XKR6: variants seen among roughly 807,000 people sequenced by gnomAD.
The protein encoded by XKR6 is XK related 6.
XKR6 carries 22 observed loss-of-function variants against 56.7 expected under a neutral mutation model. The observed-to-expected ratio is 0.39, with a 90% CI of 0.28 to 0.55. The LOEUF is 0.55. XKR6 is among the 20% of genes least tolerant of loss of function. The pLI is 0.66. For missense variants in XKR6, 852 were observed against 889.0 expected (o/e 0.96, Z 0.53); for synonymous variants, 524 against 387.8 (o/e 1.35, Z -4.13).
At chr8:10,960,399 A>G (rs1204667045) in intron 1 of XKR6, among the ~76,000 whole-genome samples, 1 of 152,256 alleles carries the variant, frequency 6.6e-6, no homozygotes, top group Non-Finnish European at 1.5e-5. Flanking sequence ...TGACTGCCCC[A>G]GTCTCCTGGT....
intron 1 of XKR6, among the ~76,000 whole-genome samples, chr8:11,178,282 C>A (rs1394366520): frequency 6.6e-6 from 1 of 152,016 alleles, no homozygotes; most frequent in African/African-American, 2.4e-5. Flanking sequence ...ACTGTAGCAA[C>A]CTCAAGGATC....
chr8:11,186,422 T>C (rs956055512), intron 1 of XKR6, among the ~76,000 whole-genome samples: 10 of 152,160 alleles, frequency 6.6e-5, no homozygotes, highest in African/African-American at 2.4e-4. Flanking sequence ...TGCTCCGTTA[T>C]CCAGGCTGCA....
At chr8:11,179,145 T>C (rs1340391679) in intron 1 of XKR6, among the ~76,000 whole-genome samples, 1 of 149,876 alleles carries the variant, frequency 6.7e-6, no homozygotes, top group Non-Finnish European at 1.5e-5. Flanking sequence ...GCATGAGTCA[T>C]CACACCCAGC....
At chr8:10,990,785 G>T (rs1343883266) in intron 1 of XKR6, among the ~76,000 whole-genome samples, 1 of 151,572 alleles carries the variant, frequency 6.6e-6, no homozygotes, top group African/African-American at 2.4e-5. Flanking sequence ...ATTTTGTCCT[G>T]CTTCCCAGGC....
intron 1 of XKR6, among the ~76,000 whole-genome samples, chr8:11,022,719 G>C (rs1345478034): frequency 1.3e-5 from 2 of 152,166 alleles, no homozygotes; most frequent in Non-Finnish European, 2.9e-5. Context: ...GCAAGGCCCT[G>C]CAATTAGTAA....
At chr8:10,968,455 C>T (rs1337079645) in intron 1 of XKR6, among the ~76,000 whole-genome samples, 1 of 152,256 alleles carries the variant, frequency 6.6e-6, no homozygotes, top group Non-Finnish European at 1.5e-5. Context: ...CAGGGCTGGC[C>T]TATGGCCCCC....
At position 11,194,409 on chromosome 8, in the gene XKR6, C is replaced by G. The variant is rs1028383949; in HGVS notation, c.764+6167G>C. ...CCAATAGCGGTAAGCAGTGGATTGT[C>G]TTTAGGCAATTAGTCAAAAGTCAAT... On this transcript the variant is annotated intron_variant, in intron 1 of 2. Transcript: ENST00000416569. The G allele has an allele frequency of 4.6e-5, 7 of 152,208 alleles. No homozygotes were observed. The South Asian group carries it at 1.5e-3, about 32-fold the overall frequency. The allele number at this position is 152,208 out of a possible 1,614,324, so 9.4% of individuals were successfully genotyped here. A position where few individuals can be genotyped will look rare whatever the true frequency, so the allele number is the denominator to read the frequency against.
At chr8:11,079,383 G>C (rs1797634879) in intron 1 of XKR6, among the ~76,000 whole-genome samples, 1 of 152,222 alleles carries the variant, frequency 6.6e-6, no homozygotes, top group African/African-American at 2.4e-5. Flanking sequence ...TTCTATTTTT[G>C]ACTTAAGAAC....
intron 1 of XKR6, among the ~76,000 whole-genome samples, chr8:10,963,013 G>T (rs1029310262): frequency 6.6e-6 from 1 of 152,110 alleles, no homozygotes; most frequent in Non-Finnish European, 1.5e-5. Flanking sequence ...CCTGTCCTTC[G>T]ATCATTTCTG....
chr8:11,193,579 A>G (rs1316939157), intron 1 of XKR6, among the ~76,000 whole-genome samples: 1 of 152,184 alleles, frequency 6.6e-6, no homozygotes, highest in Non-Finnish European at 1.5e-5. Context: ...ACCTTAATCT[A>G]AACAAACAAA....
intron 1 of XKR6, among the ~76,000 whole-genome samples, chr8:10,997,932 A>G (rs1268202280): frequency 1.3e-5 from 2 of 152,204 alleles, no homozygotes; most frequent in African/African-American, 4.8e-5. Context: ...TGCAGTCTCA[A>G]TCACAGGATG....
chr8:11,168,715 G>C (rs768744471), intron 1 of XKR6, among the ~76,000 whole-genome samples: 7 of 152,206 alleles, frequency 4.6e-5, no homozygotes, highest in Admixed American at 1.3e-4. Flanking sequence ...TAGGTAGTTA[G>C]GGTAGGTCCT....
intron 1 of XKR6, among the ~76,000 whole-genome samples, chr8:10,949,323 GC>G (rs1424476170): frequency 2.0e-5 from 3 of 152,254 alleles, no homozygotes; most frequent in Non-Finnish European, 4.4e-5. Flanking sequence ...GAGAAGGCCT[GC>G]CCTTGGTGAC....
At chr8:10,936,105 T>G (rs955101581) in intron 1 of XKR6, among the ~76,000 whole-genome samples, 5 of 150,164 alleles carry the variant, frequency 3.3e-5, no homozygotes, top group African/African-American at 1.2e-4. Flanking sequence ...GCATATATAT[T>G]TAGGATAGTT....
At chr8:11,199,079 T>C (rs1174333517) in intron 1 of XKR6, among the ~76,000 whole-genome samples, 2 of 152,218 alleles carry the variant, frequency 1.3e-5, no homozygotes, top group Admixed American at 1.3e-4. Flanking sequence ...TTAATCGGCA[T>C]TTTCCTATTT....
chr8:10,943,151 C>A (rs748770500), intron 1 of XKR6, among the ~76,000 whole-genome samples: 27 of 152,344 alleles, frequency 1.8e-4, no homozygotes, highest in African/African-American at 6.5e-4. Flanking sequence ...AGCTCAGGAG[C>A]AGGCTGCAGG....
intron 1 of XKR6, among the ~76,000 whole-genome samples, chr8:10,987,279 G>C (rs1414727225): frequency 1.3e-5 from 2 of 152,176 alleles, no homozygotes; most frequent in Non-Finnish European, 2.9e-5. Context: ...GAAATGTAAA[G>C]TGGTACTACT....
chr8:11,185,108 C>T (rs1391188757), intron 1 of XKR6, among the ~76,000 whole-genome samples: 4 of 152,022 alleles, frequency 2.6e-5, no homozygotes, highest in Non-Finnish European at 4.4e-5. Flanking sequence ...GACATGGGTG[C>T]GGGTGTGAGT....
chr8:10,924,659 C>T lies in XKR6; in HGVS notation c.936G>A (p.Gln312=), dbSNP rs765839229. 3.1e-6 allele frequency: 5 copies of T among 1,609,526 alleles called. No homozygotes were observed. The Admixed American group carries it at 8.3e-5, about 27-fold the overall frequency. The part of the protein sequence containing the change: ...QLVLQLYIML[Q]KNSAETLPCV... ...AGGGCAGGGTCTCGGCGCTGTTCTT[C>T]TGGAGCATGATGTAGAGCTGTAGCA... is the stretch of plus-strand genomic sequence containing the variant. The change falls in exon 2 of 3, where the codon CAG becomes CAA. Residue 312 remains glutamine, a synonymous_variant. Transcript: ENST00000416569.
Sources: gnomAD v4.1 joint callset for allele counts (sites outside exome capture counted in the v4.1 genomes callset) on GRCh38, gnomAD v4.1.1 for gene constraint, MANE v1.5 for transcripts, NCBI Gene and HGNC (gene_info 2026-07-23, HGNC 2026-07-21) for gene names.